The following PTPRJ variants were observed in gnomAD, a reference collection of about 807,000 sequenced individuals.
PTPRJ encodes the protein protein tyrosine phosphatase receptor type J.
Under a neutral mutation model 141.3 loss-of-function variants are expected in PTPRJ, and 129 were observed. The ratio of observed to expected loss-of-function variants is 0.91; its 90% CI spans 0.79 to 1.06. The LOEUF (loss-of-function observed/expected upper bound fraction) is 1.06. Among genes scored for constraint, PTPRJ ranks in the 50% least tolerant of loss-of-function variants. PTPRJ has a pLI of 0.00. For missense variants in PTPRJ, 1,601 were observed against 1,679.7 expected (o/e 0.95, Z 0.82); for synonymous variants, 610 against 640.5 (o/e 0.95, Z 0.72).
At chr11:48,166,883 G>A (rs1442912293) in intron 24 of PTPRJ, among the ~76,000 whole-genome samples, 1 of 152,138 alleles carries the variant, frequency 6.6e-6, no homozygotes, top group African/African-American at 2.4e-5. Flanking sequence ...TTGATTGTTC[G>A]AATGTGTGTG....
Position 48,044,266 on chromosome 11 carries a change from A to G in PTPRJ, c.96+63258A>G, listed in dbSNP as rs565744476. ...TTGAACTCATTCCTCGCCCAGCTGG[A>G]CATAGAGTTGACTGCCTCAGTGGGT... On this transcript the variant is annotated intron_variant, in intron 1 of 24. Coordinates refer to ENST00000418331, the MANE Select transcript of PTPRJ (RefSeq NM_002843.4). Among the ~76,000 whole-genome samples the G allele has an allele frequency of 3.7e-4, 56 of 152,274 alleles. 1 individual carries two copies. The highest frequency in any genetic ancestry group is 1.3e-3 in the African/African-American group (55 of 41,574).
intron 1 of PTPRJ, among the ~76,000 whole-genome samples, chr11:48,024,111 C>G (rs1039208716): frequency 1.3e-5 from 2 of 152,048 alleles, no homozygotes; most frequent in African/African-American, 4.8e-5. Flanking sequence ...CAGTCAGTGG[C>G]TTCATTAATC....
chr11:48,016,076 G>T (rs1396532834), intron 1 of PTPRJ, among the ~76,000 whole-genome samples: 1 of 152,120 alleles, frequency 6.6e-6, no homozygotes, highest in Non-Finnish European at 1.5e-5. Flanking sequence ...ATGGGTTCCA[G>T]TGGAAGCTGG....
chr11:48,044,187 C>G (rs942535579), intron 1 of PTPRJ, among the ~76,000 whole-genome samples: 1 of 152,222 alleles, frequency 6.6e-6, no homozygotes, highest in Non-Finnish European at 1.5e-5. Flanking sequence ...ATAGTGAGGT[C>G]TCCTTTTGGG....
At chr11:48,053,258 T>TAA (rs1854637491) in intron 1 of PTPRJ, among the ~76,000 whole-genome samples, 1 of 81,932 alleles carries the variant, frequency 1.2e-5, no homozygotes, top group Non-Finnish European at 2.0e-5. Context: ...ATAATATATA[T>TAA]AATATATTAT....
chr11:48,063,229 G>C (rs948932105), intron 1 of PTPRJ, among the ~76,000 whole-genome samples: 9 of 152,182 alleles, frequency 5.9e-5, no homozygotes, highest in African/African-American at 2.2e-4. Flanking sequence ...TTGGGAGGCT[G>C]AGGCAGGAGA....
intron 1 of PTPRJ, among the ~76,000 whole-genome samples, chr11:48,085,992 G>T (rs1333793693): frequency 6.6e-6 from 1 of 152,082 alleles, no homozygotes; most frequent in African/African-American, 2.4e-5. Context: ...AAAATGGGTT[G>T]AGTCTCCTTC....
chr11:47,980,882 C>T lies in PTPRJ; in HGVS notation c.-31C>T, dbSNP rs1853882440. Reference sequence around the variant, plus strand: ...GGCGCACGGCGGGGCCCGATTCGCGCGTCCGGGGCACGTTCCAGGGCGCGC... The same window carrying T: ...GGCGCACGGCGGGGCCCGATTCGCGTGTCCGGGGCACGTTCCAGGGCGCGC... On this transcript the variant is annotated 5_prime_UTR_variant, in exon 1 of 25. Transcript: ENST00000418331. 2.7e-6 allele frequency: 3 copies of T among 1,118,816 alleles called. No individual in the cohort carries two copies. The highest frequency in any genetic ancestry group is 3.3e-6 in the Non-Finnish European group (3 of 917,024). The allele number at this position is 1,118,816 out of a possible 1,614,324, so 69.3% of individuals were successfully genotyped here. A position where few individuals can be genotyped will look rare whatever the true frequency, so the allele number is the denominator to read the frequency against.
chr11:48,127,645 A>G, intron 6 of PTPRJ, 135 bp from the exon 7 acceptor site: 1 of 914,378 alleles, frequency 1.1e-6, no homozygotes, highest in Admixed American at 2.5e-5. Context: ...TTTCCTAGCC[A>G]CGGTTGATGG....
chr11:48,136,346 T>C, intron 9 of PTPRJ, 50 bp downstream of exon 9: 2 of 1,582,554 alleles, frequency 1.3e-6, no homozygotes, highest in South Asian at 2.3e-5. Context: ...TAACTGTCTC[T>C]TGGAGGAGGC....
intron 11 of PTPRJ, 73 bp downstream of exon 11, chr11:48,139,849 G>GCCGCTC: frequency 1.8e-5 from 26 of 1,466,570 alleles, no homozygotes; most frequent in Non-Finnish European, 2.2e-5. Context: ...CAGTGGGTCT[G>GCCGCTC]CACGTGTGGA....
At chr11:47,998,095 A>T (rs1226835222) in intron 1 of PTPRJ, among the ~76,000 whole-genome samples, 1 of 151,410 alleles carries the variant, frequency 6.6e-6, no homozygotes, top group African/African-American at 2.4e-5. Flanking sequence ...AGTGTAGAGC[A>T]GACTTGGTCA....
chr11:48,140,364 G>A lies in PTPRJ; in HGVS notation c.2443+588G>A, dbSNP rs2085697681. ...CCCACATCTGTTGGTGGCTTACTGT[G>A]TGCTATGGTGAGGGATACTATGGTG... On this transcript the variant is annotated intron_variant, in intron 11 of 24. Coordinates refer to ENST00000418331, the MANE Select transcript of PTPRJ (RefSeq NM_002843.4). Among the ~76,000 whole-genome samples the A allele has an allele frequency of 3.3e-5, 5 of 152,322 alleles. No homozygotes were observed. The South Asian group carries it at 8.3e-4, about 25-fold the overall frequency.
chr11:48,043,842 A>T (rs1854327360), intron 1 of PTPRJ, among the ~76,000 whole-genome samples: 1 of 152,062 alleles, frequency 6.6e-6, no homozygotes, highest in Admixed American at 6.5e-5. Context: ...AAACCATCCT[A>T]CAGGTGGAGG....
At position 47,980,748 on chromosome 11, in the gene PTPRJ, A is replaced by T; in HGVS notation, c.-165A>T. On this transcript the variant is annotated 5_prime_UTR_variant, in exon 1 of 25. The change abolishes an upstream ATG in the 5' untranslated region. Coordinates refer to ENST00000418331, the MANE Select transcript of PTPRJ (RefSeq NM_002843.4). ...GGCCGCGGCCGCCGCCGCCGCTGCCATGTCTCCGGGGAAGCCCGGGGCGGG... is the reference window on the plus strand; with the variant it reads ...GGCCGCGGCCGCCGCCGCCGCTGCCTTGTCTCCGGGGAAGCCCGGGGCGGG... The T allele has an allele frequency of 9.9e-7, 1 of 1,014,408 alleles. No homozygotes were observed. The highest frequency in any genetic ancestry group is 4.6e-5 in the South Asian group (1 of 21,722). 62.8% of individuals were successfully genotyped at this position (1,014,408 alleles called of 1,614,324 possible). A position where few individuals can be genotyped will look rare whatever the true frequency, so the allele number is the denominator to read the frequency against.
chr11:48,159,037 A>G (rs1857683185), intron 21 of PTPRJ, among the ~76,000 whole-genome samples: 1 of 151,838 alleles, frequency 6.6e-6, no homozygotes, highest in Non-Finnish European at 1.5e-5. Flanking sequence ...AGCTTTGAAA[A>G]CTACCAGCAG....
At chr11:48,101,294 G>A (rs142801288) in intron 1 of PTPRJ, among the ~76,000 whole-genome samples, 8 of 152,228 alleles carry the variant, frequency 5.3e-5, no homozygotes, top group African/African-American at 1.4e-4. Flanking sequence ...TTCAAGTCCC[G>A]CAGCTTCTCT....
chr11:48,132,135 A>AAATTAACT, intron 8 of PTPRJ: 1 of 985,458 alleles, frequency 1.0e-6, no homozygotes, highest in Non-Finnish European at 1.2e-6. Flanking sequence ...GATGTGTTAG[A>AAATTAACT]AATTAACTAC....
At chr11:48,112,628 A>G in intron 2 of PTPRJ, 119 bp from the exon 3 acceptor site, 2 of 750,744 alleles carry the variant, frequency 2.7e-6, no homozygotes, top group Non-Finnish European at 4.5e-6. Context: ...GAAGAGAAAG[A>G]GAGGGATCAG....
Sources: allele counts gnomAD v4.1 joint callset (sites outside exome capture counted in the v4.1 genomes callset), GRCh38; gene constraint gnomAD v4.1.1; transcripts MANE v1.5; gene names NCBI Gene and HGNC (gene_info 2026-07-23, HGNC 2026-07-21).